The following NPTXR variants were observed in gnomAD, a reference collection of about 807,000 sequenced individuals.
The protein encoded by NPTXR is neuronal pentraxin receptor.
Under a neutral mutation model 32.2 loss-of-function variants are expected in NPTXR, and 12 were observed. That is an observed-to-expected ratio of 0.37 (90% CI 0.24 to 0.60). NPTXR has a LOEUF of 0.60. NPTXR is among the 20% of genes least tolerant of loss of function. NPTXR has a pLI of 0.66. For missense variants in NPTXR, 612 were observed against 682.9 expected, an observed-to-expected ratio of 0.90 and a Z score of 1.16; for synonymous variants, 323 against 315.8, an observed-to-expected ratio of 1.02 and a Z score of -0.24.
chr22:38,822,467 T>C lies in NPTXR; in HGVS notation c.*142A>G. ...GGGCAGGGCATTCTGGAGGTGTGGG[T>C]ACAGGTGAGGGGAAATGGGAGGCAC... On this transcript the variant is annotated 3_prime_UTR_variant, in exon 5 of 5. Coordinates refer to ENST00000333039, the MANE Select transcript of NPTXR (RefSeq NM_014293.4). 4 of 703,810 alleles carry C rather than the reference T, an allele frequency of 5.7e-6. No homozygotes were observed. In the South Asian group the frequency reaches 7.0e-5, roughly 12 times the overall value. The allele number at this position is 703,810 out of a possible 1,614,324, so 43.6% of individuals were successfully genotyped here.
rs1346384680 is a variant in NPTXR, at chr22:38,826,726, G to A, written c.872C>T (p.Pro291Leu). Residue 291 changes from proline (P) to leucine (L), a missense_variant, in exon 3 of 5, where the codon CCA becomes CTA. Transcript: ENST00000333039. The stretch of plus-strand genomic sequence containing the variant: ...GGGGATGCTGATCTTGAAGGCATCT[G>A]GAGGACTGTAGGCTGAGGACCCTGA... The A allele has an allele frequency of 2.5e-6, 4 of 1,614,034 alleles. No individual in the cohort carries two copies. Among genetic ancestry groups the A allele is most frequent in the Non-Finnish European group, 3.4e-6 (4 of 1,179,952 alleles).
At chr22:38,829,201 A>G (rs1049985204) in intron 1 of NPTXR, among the ~76,000 whole-genome samples, 1 of 152,210 alleles carries the variant, frequency 6.6e-6, no homozygotes, top group African/African-American at 2.4e-5. Flanking sequence ...AGTTGTGGGG[A>G]GGACTAAGGA....
intron 1 of NPTXR, among the ~76,000 whole-genome samples, chr22:38,828,981 G>A (rs557937298): frequency 2.0e-5 from 3 of 152,366 alleles, no homozygotes; most frequent in African/African-American, 7.2e-5. Context: ...TGGCCACTGG[G>A]CCCACTCAGG....
Position 38,843,745 on chromosome 22 carries a change from G to T in NPTXR, c.114C>A (p.Gly38=), listed in dbSNP as rs1167582572. Reference sequence around the variant, plus strand: ...AGGCGACCGAAGCATTGTCGGCGCCGCCGGGCAGCGCCCGCGCCGGGCTGG... The same window carrying T: ...AGGCGACCGAAGCATTGTCGGCGCCTCCGGGCAGCGCCCGCGCCGGGCTGG... Residue 38 remains glycine (G), a synonymous_variant, in exon 1 of 5, where the codon GGC becomes GGA. Coordinates refer to ENST00000333039, the MANE Select transcript of NPTXR (RefSeq NM_014293.4). The surrounding 1 kb of genome is among the most constrained non-coding windows in gnomAD (Gnocchi z 5.3). 1 of 997,098 alleles carries T rather than the reference G, an allele frequency of 1.0e-6. No individual in the cohort carries two copies. The highest frequency in any genetic ancestry group is 1.2e-6 in the Non-Finnish European group (1 of 839,362). The allele number at this position is 997,098 out of a possible 1,614,324, so 61.8% of individuals were successfully genotyped here.
chr22:38,843,293 A>G lies in NPTXR; in HGVS notation c.566T>C (p.Leu189Pro). 7.0e-7 allele frequency: 1 copy of G among 1,436,436 alleles called. No individual in the cohort carries two copies. 89.0% of individuals were successfully genotyped at this position (1,436,436 alleles called of 1,614,324 possible). The change falls in exon 1 of 5, where the codon CTC becomes CCC. Residue 189 changes from leucine (L) to proline (P), a missense_variant. Leu to Pro is a moderately conservative substitution (Grantham distance 98, BLOSUM62 -3). Transcript: ENST00000333039. This position sits in a 1 kb window ranked among gnomAD's most constrained non-coding sequence, Gnocchi z 5.3. ...CACGGCGTCCTCCAGCTCCAGAATG[A>G]GCGCAGGCGAGTCCCAGGGCCCGTC...
intron 1 of NPTXR, among the ~76,000 whole-genome samples, chr22:38,840,710 G>A (rs1186024561): frequency 4.6e-5 from 7 of 152,152 alleles, no homozygotes; most frequent in Non-Finnish European, 1.0e-4. Context: ...AACCTGGGCT[G>A]GACACTGAGT....
intron 4 of NPTXR, 118 bp downstream of exon 4, chr22:38,822,965 C>T (rs925534081): frequency 4.3e-5 from 63 of 1,461,666 alleles, no homozygotes; most frequent in South Asian, 8.6e-5. Flanking sequence ...CCACCGCCAA[C>T]GCTCTAGCCC....
intron 3 of NPTXR, among the ~76,000 whole-genome samples, chr22:38,825,273 T>C (rs924399295): frequency 4.6e-5 from 7 of 152,064 alleles, no homozygotes; most frequent in African/African-American, 1.4e-4. Context: ...TAAAAGGTGG[T>C]TTCCGGAGCC....
intron 2 of NPTXR, among the ~76,000 whole-genome samples, chr22:38,827,382 C>T (rs1159189938): frequency 3.3e-5 from 5 of 151,552 alleles, no homozygotes; most frequent in Non-Finnish European, 4.4e-5. Context: ...TACAGGTATG[C>T]ACCACCACAC....
In NPTXR at chr22:38,822,446, A is replaced by G; in HGVS notation, c.*163T>C. The stretch of plus-strand genomic sequence containing the variant: ...GGGACAGGGGACACACTCGCAGGGC[A>G]GGGCATTCTGGAGGTGTGGGTACAG... On this transcript the variant is annotated 3_prime_UTR_variant, in exon 5 of 5. Transcript: ENST00000333039. 1 of 642,478 alleles carries G rather than the reference A, an allele frequency of 1.6e-6. No individual in the cohort carries two copies. The highest frequency in any genetic ancestry group is 2.8e-6 in the Non-Finnish European group (1 of 362,668). 39.8% of individuals were successfully genotyped at this position (642,478 alleles called of 1,614,324 possible).
In NPTXR at chr22:38,822,422, G is replaced by A; in HGVS notation, c.*187C>T. 1 of 608,272 alleles carries A rather than the reference G, an allele frequency of 1.6e-6. No individual in the cohort carries two copies. Among genetic ancestry groups the A allele is most frequent in the Non-Finnish European group, 2.9e-6 (1 of 340,422 alleles). 37.7% of individuals were successfully genotyped at this position (608,272 alleles called of 1,614,324 possible). ...GAGACGCTCCTCCCCACTCAGGTGGGGACAGGGGACACACTCGCAGGGCAG... is the reference window on the plus strand; with the variant it reads ...GAGACGCTCCTCCCCACTCAGGTGGAGACAGGGGACACACTCGCAGGGCAG... On this transcript the variant is annotated 3_prime_UTR_variant, in exon 5 of 5. Transcript: ENST00000333039.
rs1488080652 is a variant in NPTXR, at chr22:38,843,337, G to C, written c.522C>G (p.Pro174=). Residue 174 remains proline, a synonymous_variant, in exon 1 of 5, where the codon CCC becomes CCG. Transcript: ENST00000333039. This position sits in a 1 kb window ranked among gnomAD's most constrained non-coding sequence, Gnocchi z 5.3. ...GCCCGTCGGCCATGGTGTCGCGGCG[G>C]GGCCCGGCGCCCTGGAGGCCGCGCG... 1 of 1,416,784 alleles carries C rather than the reference G, an allele frequency of 7.1e-7. No homozygotes were observed. The highest frequency in any genetic ancestry group is 9.1e-7 in the Non-Finnish European group (1 of 1,093,230). 87.8% of individuals were successfully genotyped at this position (1,416,784 alleles called of 1,614,324 possible).
chr22:38,823,990 T>A (rs1455691474), intron 3 of NPTXR, among the ~76,000 whole-genome samples: 1 of 152,000 alleles, frequency 6.6e-6, no homozygotes, highest in Non-Finnish European at 1.5e-5. Flanking sequence ...TCACATTTTT[T>A]TTTTTGAGAT....
At chr22:38,838,755 G>T (rs1290512723) in intron 1 of NPTXR, among the ~76,000 whole-genome samples, 1 of 151,814 alleles carries the variant, frequency 6.6e-6, no homozygotes, top group Non-Finnish European at 1.5e-5. Context: ...CTAATTTTTT[G>T]CATTTTTAGT....
chr22:38,823,367 G>A, intron 3 of NPTXR, 105 bp from the exon 4 acceptor site: 1 of 1,014,078 alleles, frequency 9.9e-7, no homozygotes. Context: ...ATCCTTCCAG[G>A]GCCCGACCCC....
At position 38,843,392 on chromosome 22, in the gene NPTXR, C is replaced by T. The variant is rs1449203249; in HGVS notation, c.467G>A (p.Gly156Asp). The stretch of plus-strand genomic sequence containing the variant: ...GCCGCTCTCGCAGCGGCCCAGCTTG[C>T]CGGTGAGCTCACGGATGGTGTCCTG... The change falls in exon 1 of 5, where the codon GGC becomes GAC. Residue 156 changes from glycine (G) to aspartate (D), a missense_variant. Physicochemically the swap from Gly to Asp is moderately conservative, Grantham distance 94 (BLOSUM62 -1). Transcript: ENST00000333039. The surrounding 1 kb of genome is among the most constrained non-coding windows in gnomAD (Gnocchi z 5.3). 1.4e-6 allele frequency: 2 copies of T among 1,413,740 alleles called. No individual in the cohort carries two copies. The highest frequency in any genetic ancestry group is 3.0e-5 in the East Asian group (1 of 33,612). The allele number at this position is 1,413,740 out of a possible 1,614,324, so 87.6% of individuals were successfully genotyped here. A position where few individuals can be genotyped will look rare whatever the true frequency, so the allele number is the denominator to read the frequency against.
chr22:38,835,665 C>A (rs903860494), intron 1 of NPTXR, among the ~76,000 whole-genome samples: 1 of 152,158 alleles, frequency 6.6e-6, no homozygotes, highest in African/African-American at 2.4e-5. Context: ...GTCCTGCCTG[C>A]CCACACACCT....
In NPTXR at chr22:38,843,422, G is replaced by A; in HGVS notation, c.437C>T (p.Ala146Val). The change falls in exon 1 of 5, where the codon GCC becomes GTC. Residue 146 changes from alanine to valine, a missense_variant. Physicochemically the swap from Ala to Val is moderately conservative, Grantham distance 64 (BLOSUM62 0). Transcript: ENST00000333039. The surrounding 1 kb of genome is among the most constrained non-coding windows in gnomAD (Gnocchi z 5.3). ...GAGCTCACGGATGGTGTCCTGGTCG[G>A]CGCGGATGCGCGCCTCCTGCTGCAG... 2.2e-6 allele frequency: 3 copies of A among 1,391,132 alleles called. No homozygotes were observed. The highest frequency in any genetic ancestry group is 2.8e-6 in the Non-Finnish European group (3 of 1,079,566). 86.2% of individuals were successfully genotyped at this position (1,391,132 alleles called of 1,614,324 possible).
intron 1 of NPTXR, among the ~76,000 whole-genome samples, chr22:38,840,830 C>T (rs1396098469): frequency 6.6e-6 from 1 of 151,952 alleles, no homozygotes; most frequent in African/African-American, 2.4e-5. Context: ...GGAGGAGGAC[C>T]CTGCAAGGAG....
Sources: allele counts gnomAD v4.1 joint callset (sites outside exome capture counted in the v4.1 genomes callset), GRCh38; gene constraint gnomAD v4.1.1; non-coding constraint Gnocchi (gnomAD v3.1); transcripts MANE v1.5; gene names NCBI Gene and HGNC (gene_info 2026-07-23, HGNC 2026-07-21).